Variants in SEC23B observed in about 807,000 individuals in gnomAD.
SEC23B encodes protein transport protein Sec23B.
In SEC23B, 77 loss-of-function variants were observed where a neutral mutation model predicts 104.3. The ratio of observed to expected loss-of-function variants is 0.74; its 90% CI spans 0.61 to 0.89. The LOEUF is 0.89. Ranked by LOEUF, SEC23B falls within the 40% of genes least tolerant of loss-of-function variation. SEC23B has a pLI of 0.00. For synonymous variants in SEC23B, 338 were observed against 332.5 expected, an observed-to-expected ratio of 1.02 and a Z score of -0.18; for missense variants, 885 against 949.4, an observed-to-expected ratio of 0.93 and a Z score of 0.89.
At chr20:18,530,929 CACTGT>C (rs1274941924) in intron 10 of SEC23B, 126 bp downstream of exon 10, 1 of 704,636 alleles carries the variant, frequency 1.4e-6, no homozygotes, top group Non-Finnish European at 2.5e-6. Flanking sequence ...AGGCATGAGC[CACTGT>C]ACCTGGCCAT....
chr20:18,548,261 TAAA>T (rs58789388), intron 15 of SEC23B, among the ~76,000 whole-genome samples: 8 of 151,592 alleles, frequency 5.3e-5, no homozygotes, highest in East Asian at 1.9e-4. Flanking sequence ...AAAGGCCCTT[TAAA>T]AAAAAAAATT....
At chr20:18,530,955 C>T (rs1033307801) in intron 10 of SEC23B, 152 bp downstream of exon 10, 12 of 633,798 alleles carry the variant, frequency 1.9e-5, no homozygotes, top group Non-Finnish European at 2.5e-5. Context: ...ACTTTTAAAA[C>T]TTCAATGAAA....
chr20:18,553,036 A>G (rs140882705), intron 17 of SEC23B, among the ~76,000 whole-genome samples: 31 of 152,316 alleles, frequency 2.0e-4, no homozygotes, highest in African/African-American at 7.2e-4. Flanking sequence ...GGCCGACTGT[A>G]CTAAGGATGA....
chr20:18,527,791 T>C (rs1190371303), intron 9 of SEC23B, among the ~76,000 whole-genome samples, 180 bp downstream of exon 9: 1 of 152,184 alleles, frequency 6.6e-6, no homozygotes, highest in Non-Finnish European at 1.5e-5. Flanking sequence ...TAGTGATTAG[T>C]AGGAGGGCTC....
At chr20:18,531,725 A>C (rs1339247226) in intron 10 of SEC23B, among the ~76,000 whole-genome samples, 2 of 149,938 alleles carry the variant, frequency 1.3e-5, no homozygotes, top group African/African-American at 4.9e-5. Context: ...GCCCTGATAC[A>C]GCTGATTCTA....
intron 9 of SEC23B, among the ~76,000 whole-genome samples, chr20:18,528,090 G>C (rs1181886538): frequency 6.6e-6 from 1 of 152,216 alleles, no homozygotes; most frequent in Non-Finnish European, 1.5e-5. Flanking sequence ...GTGTGGAGCA[G>C]TGGTTCTCAA....
intron 4 of SEC23B, among the ~76,000 whole-genome samples, chr20:18,522,104 T>A (rs1418109265): frequency 2.0e-5 from 3 of 151,926 alleles, no homozygotes; most frequent in Non-Finnish European, 2.9e-5. Flanking sequence ...AGGGCGGAAG[T>A]TTGCACATAG....
intron 4 of SEC23B, among the ~76,000 whole-genome samples, chr20:18,519,597 G>A (rs947040333): frequency 1.3e-5 from 2 of 152,172 alleles, no homozygotes; most frequent in African/African-American, 2.4e-5. Context: ...CTTAGGCTGT[G>A]TGTAATGAAA....
At chr20:18,552,707 G>A (rs1403761248) in intron 17 of SEC23B, among the ~76,000 whole-genome samples, 2 of 152,096 alleles carry the variant, frequency 1.3e-5, no homozygotes, top group East Asian at 1.9e-4. Context: ...CCAGCTGCTC[G>A]GGAGGCTGAG....
At position 18,530,691 on chromosome 20, in the gene SEC23B, T is replaced by C. The variant is rs1229711925; in HGVS notation, c.1121T>C (p.Val374Ala). ...CCANLTGGYMVMGDSFNTSLF... is the reference protein window; with the variant it reads ...CCANLTGGYMAMGDSFNTSLF... ...TTCTTCTTACCTAGAGGCTACATGGTAATGGGAGATTCTTTCAACACTTCT... is the reference window on the plus strand; with the variant it reads ...TTCTTCTTACCTAGAGGCTACATGGCAATGGGAGATTCTTTCAACACTTCT... Residue 374 changes from valine to alanine, a missense_variant, in exon 10 of 20, where the codon GTA (valine) becomes GCA (alanine). Physicochemically the swap from Val to Ala is moderately conservative, Grantham distance 64. Transcript: ENST00000650089. 1.2e-6 allele frequency: 2 copies of C among 1,612,310 alleles called. No homozygotes were observed. The highest frequency in any genetic ancestry group is 2.2e-5 in the South Asian group (2 of 91,046).
At chr20:18,556,606 G>A (rs2060440619) in intron 19 of SEC23B, among the ~76,000 whole-genome samples, 1 of 152,096 alleles carries the variant, frequency 6.6e-6, no homozygotes, top group Non-Finnish European at 1.5e-5. Flanking sequence ...CAAAGAATCA[G>A]CTCTTCATTT....
At chr20:18,530,839 A>G in intron 10 of SEC23B, 36 bp downstream of exon 10, 1 of 1,541,316 alleles carries the variant, frequency 6.5e-7, no homozygotes, top group Non-Finnish European at 8.9e-7. Context: ...ATGTGGACTC[A>G]CTGTACTGCC....
chr20:18,560,516 A>AG (rs2060482560), intron 19 of SEC23B, 135 bp from the exon 20 acceptor site: 1 of 731,188 alleles, frequency 1.4e-6, no homozygotes, highest in Admixed American at 2.0e-5. Context: ...CGTGAGGCAG[A>AG]GGATGGGGTG....
chr20:18,533,672 T>A (rs1199848542), intron 11 of SEC23B, among the ~76,000 whole-genome samples: 1 of 152,196 alleles, frequency 6.6e-6, no homozygotes, highest in Non-Finnish European at 1.5e-5. Flanking sequence ...GGTGACCACA[T>A]AAATTAAACT....
chr20:18,551,116 C>G lies in SEC23B; in HGVS notation c.1933C>G (p.Leu645Val). The part of the protein sequence containing the change: ...EPVLLDSSSI[L>V]ADRILLMDTF... ...AGTACTCTTGGATAGCAGCAGCATT[C>G]TAGCTGACAGAATTTTGCTGATGGA... Residue 645 changes from leucine to valine, a missense_variant, in exon 17 of 20, where the codon CTA becomes GTA. Leu to Val is a conservative substitution (Grantham distance 32). Coordinates refer to ENST00000650089, the MANE Select transcript of SEC23B (RefSeq NM_006363.6). The G allele has an allele frequency of 1.2e-6, 2 of 1,607,506 alleles. No individual in the cohort carries two copies. The highest frequency in any genetic ancestry group is 1.7e-6 in the Non-Finnish European group (2 of 1,177,914).
At chr20:18,548,024 T>C (rs1340496361) in intron 15 of SEC23B, among the ~76,000 whole-genome samples, 2 of 152,166 alleles carry the variant, frequency 1.3e-5, no homozygotes, top group Non-Finnish European at 2.9e-5. Flanking sequence ...TGATCTCAGC[T>C]CACCGCAACC....
intron 8 of SEC23B, 148 bp from the exon 9 acceptor site, chr20:18,527,348 A>G (rs1790747866): frequency 1.4e-6 from 1 of 694,024 alleles, no homozygotes; most frequent in Admixed American, 2.0e-5. Context: ...ACTGCACTCT[A>G]GCCTGGGCAA....
At chr20:18,522,980 T>C (rs1486638397) in intron 4 of SEC23B, among the ~76,000 whole-genome samples, 2 of 151,308 alleles carry the variant, frequency 1.3e-5, no homozygotes, top group Non-Finnish European at 2.9e-5. Context: ...GGCAGGAGAA[T>C]AGCGTGAACC....
At chr20:18,551,490 G>C (rs2122162060) in intron 17 of SEC23B, among the ~76,000 whole-genome samples, 1 of 152,234 alleles carries the variant, frequency 6.6e-6, no homozygotes, top group East Asian at 1.9e-4. Context: ...GAGGTGGGCA[G>C]ATCACCTGAG....
Sources: gnomAD v4.1 joint callset for allele counts (sites outside exome capture counted in the v4.1 genomes callset) on GRCh38, gnomAD v4.1.1 for gene constraint, MANE v1.5 for transcripts, NCBI Gene and HGNC (gene_info 2026-07-23, HGNC 2026-07-21) for gene names.